ITGAM: variants seen among roughly 807,000 people sequenced by gnomAD.
ITGAM encodes the protein integrin subunit alpha M.
Under a neutral mutation model 137.5 loss-of-function variants are expected in ITGAM, and 79 were observed. The observed-to-expected ratio is 0.57, with a 90% CI of 0.48 to 0.69. The LOEUF (loss-of-function observed/expected upper bound fraction) is 0.69, where lower values mean the gene tolerates loss of function less well. Ranked by LOEUF, ITGAM falls within the 30% of genes least tolerant of loss-of-function variation. The probability of loss-of-function intolerance (pLI) is 0.00; values close to 1 mark genes in which losing one functional copy is unlikely to be tolerated. For missense variants in ITGAM, 1,343 were observed against 1,483.5 expected, an observed-to-expected ratio of 0.91 and a Z score of 1.56; for synonymous variants, 583 against 592.3, an observed-to-expected ratio of 0.98 and a Z score of 0.23.
At chr16:31,272,036 C>G (rs1383241959) in intron 7 of ITGAM, 44 bp downstream of exon 7, 3 of 1,611,710 alleles carry the variant, frequency 1.9e-6, no homozygotes, top group Admixed American at 3.3e-5. Context: ...GGAGGAGACA[C>G]TTTTAGCTGG....
intron 5 of ITGAM, among the ~76,000 whole-genome samples, chr16:31,269,145 G>T (rs1174226426): frequency 6.6e-6 from 1 of 152,172 alleles, no homozygotes; most frequent in African/African-American, 2.4e-5. Flanking sequence ...AGTCGGAGCT[G>T]TCTTCTTGCG....
chr16:31,306,409 GAAGCTAATATAGAAATTTTTGAT>G (rs2080265253), intron 14 of ITGAM, among the ~76,000 whole-genome samples: 1 of 151,850 alleles, frequency 6.6e-6, no homozygotes, highest in African/African-American at 2.4e-5. Context: ...CTGAATATTT[GAAGCTAATATAGAAATTTTTGAT>G]AAGAATATCA....
intron 9 of ITGAM, 66 bp downstream of exon 9, chr16:31,275,765 C>G: frequency 6.5e-7 from 1 of 1,538,198 alleles, no homozygotes; most frequent in South Asian, 1.2e-5. Context: ...AACATAGTCC[C>G]CTCTAGAATC....
chr16:31,314,052 CTTTGCCCATTT>C (rs1597027544), intron 14 of ITGAM, among the ~76,000 whole-genome samples: 1 of 152,028 alleles, frequency 6.6e-6, no homozygotes, highest in East Asian at 1.9e-4. Flanking sequence ...TGTTCATATC[CTTTGCCCATTT>C]TTTGATGGGG....
intron 14 of ITGAM, among the ~76,000 whole-genome samples, chr16:31,310,101 A>G (rs1049555743): frequency 1.3e-5 from 2 of 151,080 alleles, no homozygotes; most frequent in South Asian, 2.1e-4. Context: ...TGGGTAACCC[A>G]ACCTTTCTCT....
chr16:31,324,711 A>T lies in ITGAM; in HGVS notation c.2218A>T (p.Thr740Ser). ...GCGCCTGAACTTCTCTCTGGTGGGA[A>T]CGCCATTGTCTGCTTTCGGGAACCT... ...VLRLNFSLVG[T>S]PLSAFGNLRP... The change falls in exon 18 of 30, where the codon ACG becomes TCG. Residue 740 changes from threonine (T) to serine (S), a missense_variant. Thr to Ser is a moderately conservative substitution (Grantham distance 58, BLOSUM62 1). Coordinates refer to ENST00000544665, the MANE Select transcript of ITGAM (RefSeq NM_000632.4). The surrounding 1 kb of genome is among the most constrained non-coding windows in gnomAD (Gnocchi z 4.5). 1 of 1,601,484 alleles carries T rather than the reference A, an allele frequency of 6.2e-7. No individual in the cohort carries two copies. The highest frequency in any genetic ancestry group is 8.5e-7 in the Non-Finnish European group (1 of 1,174,546).
At chr16:31,268,065 T>G (rs1281579457) in intron 5 of ITGAM, among the ~76,000 whole-genome samples, 1 of 152,190 alleles carries the variant, frequency 6.6e-6, no homozygotes, top group African/African-American at 2.4e-5. Context: ...TCGATAGCCA[T>G]GAAAACAATC....
At position 31,273,465 on chromosome 16, in the gene ITGAM, G is replaced by A. The variant is rs927472766; in HGVS notation, c.805G>A (p.Glu269Lys). 21 of 1,613,766 alleles carry A rather than the reference G, an allele frequency of 1.3e-5. No individual in the cohort carries two copies. The highest frequency in any genetic ancestry group is 6.7e-5 in the East Asian group (3 of 44,896). ...GEKFGDPLGY[E>K]DVIPEADREG... ...AAAGTTTGGCGATCCCTTGGGATAT[G>A]AGGATGTCATCCCTGAGGCAGACAG... Residue 269 changes from glutamate to lysine, a missense_variant, in exon 8 of 30, where the codon GAG (glutamate) becomes AAG (lysine). Glu to Lys is a moderately conservative substitution (Grantham distance 56). Transcript: ENST00000544665.
At chr16:31,261,131 G>T (rs2079693882) in intron 1 of ITGAM, among the ~76,000 whole-genome samples, 1 of 152,008 alleles carries the variant, frequency 6.6e-6, no homozygotes, top group Non-Finnish European at 1.5e-5. Context: ...CAGACATCTG[G>T]ATGCTGGGTT....
chr16:31,275,019 G>A (rs2079891334), intron 8 of ITGAM, among the ~76,000 whole-genome samples: 1 of 152,178 alleles, frequency 6.6e-6, no homozygotes, highest in Non-Finnish European at 1.5e-5. Flanking sequence ...GTTATGTCAA[G>A]GGTGCTCTGT....
At position 31,331,946 on chromosome 16, in the gene ITGAM, CAAGT is replaced by C. The variant is rs1379647310; in HGVS notation, c.*241_*244del. 7.2e-6 allele frequency: 4 copies of C among 556,048 alleles called. No individual in the cohort carries two copies. Among genetic ancestry groups the C allele is most frequent in the Non-Finnish European group, 1.3e-5 (4 of 314,640 alleles). 34.4% of individuals were successfully genotyped at this position (556,048 alleles called of 1,614,324 possible). On this transcript the variant is annotated 3_prime_UTR_variant, in exon 30 of 30. Transcript: ENST00000544665. ...TTGCACGCCCATGTGTGAGTGTGTG[CAAGT>C]ATGTGAGTGTGTCCAAGTGTGTGTG...
chr16:31,319,938 G>A (rs1361877150), intron 14 of ITGAM, among the ~76,000 whole-genome samples: 2 of 151,538 alleles, frequency 1.3e-5, no homozygotes, highest in African/African-American at 2.4e-5. Context: ...TCAGCCTCCC[G>A]AGTAGCTGGG....
At chr16:31,282,257 C>T (rs906289201) in intron 12 of ITGAM, among the ~76,000 whole-genome samples, 8 of 152,114 alleles carry the variant, frequency 5.3e-5, no homozygotes, top group African/African-American at 1.7e-4. Flanking sequence ...GAGCTGAGTT[C>T]AATTCCTGGA....
Position 31,313,595 on chromosome 16 carries a change from A to T in ITGAM, c.1708-7646A>T, listed in dbSNP as rs542398122. On this transcript the variant is annotated intron_variant, in intron 14 of 29. Transcript: ENST00000544665. ...ATGGCTGCATAGTATTCCATGGTGT[A>T]TATGTACCACATTTTCTTTATACAG... 1.2e-4 allele frequency among the ~76,000 whole-genome samples: 18 copies of T among 152,286 alleles called. No individual in the cohort carries two copies. In the South Asian group the frequency reaches 3.7e-3, roughly 32 times the overall value.
intron 14 of ITGAM, among the ~76,000 whole-genome samples, chr16:31,309,522 C>G (rs2080300537): frequency 6.6e-6 from 1 of 150,602 alleles, no homozygotes; most frequent in East Asian, 1.9e-4. Context: ...TTCCTCCATC[C>G]CTTTATTTTG....
At chr16:31,267,396 T>C (rs1452758231) in intron 5 of ITGAM, among the ~76,000 whole-genome samples, 1 of 152,072 alleles carries the variant, frequency 6.6e-6, no homozygotes, top group Non-Finnish European at 1.5e-5. Flanking sequence ...AGGCATGGAC[T>C]CCCTCCACTT....
rs150740111 is a variant in ITGAM at position 31,323,035 on chromosome 16, GGAGA to G, written c.2003-1349_2003-1346del. Reference sequence around the variant, plus strand: ...AATTACAGAAAGTGGTGGTGGGGGAGGAGAGAGAGAGAGAGAGAAAGAAAATAGG... The same window carrying G: ...AATTACAGAAAGTGGTGGTGGGGGAGGAGAGAGAGAGAGAAAGAAAATAGG... On this transcript the variant is annotated intron_variant, in intron 16 of 29. Coordinates refer to ENST00000544665, the MANE Select transcript of ITGAM (RefSeq NM_000632.4). Among the ~76,000 whole-genome samples the G allele has an allele frequency of 4.7e-3, 715 of 150,720 alleles. 6 individuals are homozygous for G. Among genetic ancestry groups the G allele is most frequent in the African/African-American group, 0.016 (657 of 41,228 alleles).
At chr16:31,311,662 T>C (rs971423872) in intron 14 of ITGAM, among the ~76,000 whole-genome samples, 1 of 152,108 alleles carries the variant, frequency 6.6e-6, no homozygotes, top group African/African-American at 2.4e-5. Flanking sequence ...TGTGGAGAAA[T>C]AGGAACACTT....
At chr16:31,262,400 CTTCA>C (rs1176102555) in intron 2 of ITGAM, among the ~76,000 whole-genome samples, 42 of 115,736 alleles carry the variant, frequency 3.6e-4, no homozygotes, top group Non-Finnish European at 5.6e-4. Context: ...TCCTTCCTTC[CTTCA>C]TTTCTTTCTT....
Sources: allele counts gnomAD v4.1 joint callset (sites outside exome capture counted in the v4.1 genomes callset), GRCh38; gene constraint gnomAD v4.1.1; non-coding constraint Gnocchi (gnomAD v3.1); transcripts MANE v1.5; gene names NCBI Gene and HGNC (gene_info 2026-07-23, HGNC 2026-07-21).